Variants in ASTN2 observed in about 807,000 individuals in gnomAD.
ASTN2 encodes the protein astrotactin 2.
Under a neutral mutation model 139.8 loss-of-function variants are expected in ASTN2, and 54 were observed. The ratio of observed to expected loss-of-function variants is 0.39; its 90% CI spans 0.31 to 0.48. The LOEUF (loss-of-function observed/expected upper bound fraction) is 0.48. Ranked by LOEUF, ASTN2 falls within the 20% of genes least tolerant of loss-of-function variation. The probability of loss-of-function intolerance (pLI) is 0.95; values close to 1 mark genes in which losing one functional copy is unlikely to be tolerated. For missense variants in ASTN2, 1,565 were observed against 1,725.1 expected (o/e 0.91, Z 1.64); for synonymous variants, 756 against 719.5 (o/e 1.05, Z -0.81).
At chr9:116,984,095 T>C (rs563877963) in intron 7 of ASTN2, among the ~76,000 whole-genome samples, 1 of 152,360 alleles carries the variant, frequency 6.6e-6, no homozygotes, top group African/African-American at 2.4e-5. Context: ...GAAAAACTTC[T>C]AATGGGGCCC....
chr9:116,911,065 G>A (rs1409346198), intron 10 of ASTN2, among the ~76,000 whole-genome samples: 1 of 152,172 alleles, frequency 6.6e-6, no homozygotes, highest in African/African-American at 2.4e-5. Context: ...CTTCTTTTGT[G>A]ATTCTGTGAT....
intron 6 of ASTN2, among the ~76,000 whole-genome samples, chr9:117,038,478 C>T (rs569901350): frequency 6.6e-6 from 1 of 151,066 alleles, no homozygotes; most frequent in Non-Finnish European, 1.5e-5. Flanking sequence ...TGTTACATGT[C>T]CTTATCACAA....
At chr9:116,438,912 T>C (rs1847742858) in intron 22 of ASTN2, among the ~76,000 whole-genome samples, 1 of 152,122 alleles carries the variant, frequency 6.6e-6, no homozygotes, top group African/African-American at 2.4e-5. Flanking sequence ...ATAGCACCAT[T>C]GCTCTCCAGC....
Position 116,975,355 on chromosome 9 carries a change from A to G in ASTN2, c.1752-10T>C. On this transcript the variant is annotated splice_polypyrimidine_tract_variant and intron_variant, in intron 9 of 22. Coordinates refer to ENST00000313400, the MANE Select transcript of ASTN2 (RefSeq NM_001365068.1). ...CAAGCTGAAAGTAGACCTGCAATGT[A>G]AGAGTTTCCATTGGGGAACTCCCTG... 6.3e-7 allele frequency: 1 copy of G among 1,593,064 alleles called. No homozygotes were observed.
intron 13 of ASTN2, among the ~76,000 whole-genome samples, chr9:116,793,278 C>T (rs994767462): frequency 6.6e-6 from 1 of 152,114 alleles, no homozygotes; most frequent in Admixed American, 6.6e-5. Context: ...AAACTGGAAG[C>T]AACCTAGATG....
chr9:116,652,231 C>G (rs1857958108), intron 16 of ASTN2, among the ~76,000 whole-genome samples: 2 of 152,106 alleles, frequency 1.3e-5, no homozygotes, highest in African/African-American at 4.8e-5. Flanking sequence ...GAGGCTGAGG[C>G]AGGAGAATCA....
chr9:116,715,009 G>C lies in ASTN2; in HGVS notation c.2806+10762C>G. Among the ~76,000 whole-genome samples, 2 of 10,148 alleles carry C rather than the reference G, an allele frequency of 2.0e-4. 1 individual carries two copies. Among genetic ancestry groups the C allele is most frequent in the Non-Finnish European group, 3.5e-4 (2 of 5,734 alleles). The allele number at this position is 10,148 out of a possible 152,430, so 6.7% of individuals were successfully genotyped here. On this transcript the variant is annotated intron_variant, in intron 16 of 22. Coordinates refer to ENST00000313400, the MANE Select transcript of ASTN2 (RefSeq NM_001365068.1). ...GCAGGAGAATGGCGTGAACCCGGGAGGCGGAGCTTGCAGTGAGCCGAGATC... is the reference window on the plus strand; with the variant it reads ...GCAGGAGAATGGCGTGAACCCGGGACGCGGAGCTTGCAGTGAGCCGAGATC...
intron 7 of ASTN2, among the ~76,000 whole-genome samples, chr9:116,991,191 C>T (rs1328044525): frequency 6.6e-6 from 1 of 152,172 alleles, no homozygotes; most frequent in African/African-American, 2.4e-5. Flanking sequence ...GAAACACATA[C>T]TCCTCCTTCT....
chr9:117,159,480 T>G (rs1157011395), intron 3 of ASTN2, among the ~76,000 whole-genome samples: 2 of 152,018 alleles, frequency 1.3e-5, no homozygotes, highest in East Asian at 3.9e-4. Context: ...CCAGAGCCCA[T>G]GTGTGGGGAG....
chr9:116,755,437 G>A (rs1829508991), intron 13 of ASTN2, among the ~76,000 whole-genome samples: 1 of 152,124 alleles, frequency 6.6e-6, no homozygotes, highest in South Asian at 2.1e-4. Context: ...AGGAAAACTG[G>A]ACACATTGAC....
intron 19 of ASTN2, chr9:116,610,897 G>C (rs537754072): frequency 3.3e-5 from 5 of 151,270 alleles, no homozygotes; most frequent in African/African-American, 1.2e-4. Context: ...GATACAAGAA[G>C]ACAGAAAATC....
intron 5 of ASTN2, among the ~76,000 whole-genome samples, chr9:117,063,949 C>G (rs1167097298): frequency 6.6e-6 from 1 of 151,992 alleles, no homozygotes; most frequent in Non-Finnish European, 1.5e-5. Context: ...CTCCTATCCA[C>G]TGGGGCTGCT....
At chr9:117,311,852 C>T (rs1827985504) in intron 1 of ASTN2, among the ~76,000 whole-genome samples, 1 of 152,114 alleles carries the variant, frequency 6.6e-6, no homozygotes, top group Non-Finnish European at 1.5e-5. Context: ...TTTTCCATGA[C>T]ACCCATAGTC....
rs1856833378 is a variant in ASTN2, at chr9:116,632,252, G to GAAAGAAAGAAGGAAA, written c.3073-11810_3073-11809insTTTCCTTCTTTCTTT. Among the ~76,000 whole-genome samples the GAAAGAAAGAAGGAAA allele has an allele frequency of 5.5e-4, 39 of 70,850 alleles. 1 individual carries two copies. Among genetic ancestry groups the GAAAGAAAGAAGGAAA allele is most frequent in the South Asian group, 2.6e-3 (4 of 1,528 alleles). The allele number at this position is 70,850 out of a possible 152,430, so 46.5% of individuals were successfully genotyped here. A position where few individuals can be genotyped will look rare whatever the true frequency, so the allele number is the denominator to read the frequency against. ...AAGAAAGAAAGAAAGAAAGAAAGAA[G>GAAAGAAAGAAGGAAA]GAAAGAAAGAAAGAAAGAAAGAAAG... is the stretch of plus-strand genomic sequence containing the variant. On this transcript the variant is annotated intron_variant, in intron 17 of 22. Coordinates refer to ENST00000313400, the MANE Select transcript of ASTN2 (RefSeq NM_001365068.1).
chr9:116,591,456 G>C (rs1854376224), intron 19 of ASTN2, among the ~76,000 whole-genome samples: 1 of 152,196 alleles, frequency 6.6e-6, no homozygotes, highest in African/African-American at 2.4e-5. Context: ...TGGGATCCAG[G>C]CTGGTAGCAT....
intron 5 of ASTN2, among the ~76,000 whole-genome samples, chr9:117,049,366 T>C (rs1838848185): frequency 6.6e-6 from 1 of 152,186 alleles, no homozygotes; most frequent in South Asian, 2.1e-4. Flanking sequence ...TAAAAGTCTT[T>C]GCATTACATT....
chr9:117,109,879 C>A (rs1358078435), intron 4 of ASTN2, among the ~76,000 whole-genome samples: 1 of 152,112 alleles, frequency 6.6e-6, no homozygotes, highest in Non-Finnish European at 1.5e-5. Context: ...TTGGCCTTTT[C>A]TGTCATCTTT....
At chr9:116,680,618 A>T (rs1328380951) in intron 16 of ASTN2, among the ~76,000 whole-genome samples, 3 of 152,250 alleles carry the variant, frequency 2.0e-5, no homozygotes, top group Non-Finnish European at 4.4e-5. Context: ...TGATGCAAAA[A>T]TCCTCAATAA....
intron 11 of ASTN2, among the ~76,000 whole-genome samples, chr9:116,858,599 C>T (rs1007657546): frequency 6.6e-6 from 1 of 152,132 alleles, no homozygotes; most frequent in African/African-American, 2.4e-5. Context: ...GCTTACATTT[C>T]AAACTGTGCC....
Sources: allele counts gnomAD v4.1 joint callset (sites outside exome capture counted in the v4.1 genomes callset), GRCh38; gene constraint gnomAD v4.1.1; transcripts MANE v1.5; gene names NCBI Gene and HGNC (gene_info 2026-07-23, HGNC 2026-07-21).